Variants in UGT1A7 observed in about 807,000 individuals in gnomAD.
UGT1A7 encodes UDP glucuronosyltransferase family 1 member A7, also known as UDP-glucuronosyltransferase 1A7.
UGT1A7 carries 33 observed loss-of-function variants against 45.6 expected under a neutral mutation model. That is an observed-to-expected ratio of 0.72 (90% CI 0.55 to 0.97). The LOEUF is 0.97. UGT1A7 is among the 50% of genes least tolerant of loss of function. The pLI is 0.00. For synonymous variants in UGT1A7, 274 were observed against 250.6 expected (o/e 1.09, Z -0.88); for missense variants, 684 against 666.2 (o/e 1.03, Z -0.29).
At chr2:233,717,518 T>A (rs2076583469) in intron 1 of UGT1A7, among the ~76,000 whole-genome samples, 1 of 152,220 alleles carries the variant, frequency 6.6e-6, no homozygotes, top group Non-Finnish European at 1.5e-5. Context: ...TGGGAGTAAC[T>A]TCCTCCATAA....
intron 1 of UGT1A7, chr2:233,717,692 T>TTC: frequency 2.3e-6 from 1 of 443,544 alleles, no homozygotes; most frequent in Non-Finnish European, 4.6e-6. Context: ...AGGAGTGACT[T>TTC]TCTGGAGCAG....
At chr2:233,754,470 A>G in intron 1 of UGT1A7, 2 of 357,144 alleles carry the variant, frequency 5.6e-6, no homozygotes, top group South Asian at 2.2e-5. Context: ...TTCTGAAAGT[A>G]AAGTTCACTT....
chr2:233,748,809 T>C (rs927087498), intron 1 of UGT1A7, among the ~76,000 whole-genome samples: 1 of 151,174 alleles, frequency 6.6e-6, no homozygotes, highest in Non-Finnish European at 1.5e-5. Flanking sequence ...TATCAAGAAA[T>C]TGTGGAAGGG....
rs879204025 is a variant in UGT1A7, at chr2:233,769,857, CA to C, written c.1295+1435del. 0.15 allele frequency: 32,681 copies of C among 223,256 alleles called. 81 individuals are homozygous for C. Among genetic ancestry groups the C allele is most frequent in the Middle Eastern group, 0.2 (155 of 784 alleles). The allele number at this position is 223,256 out of a possible 1,614,324, so 13.8% of individuals were successfully genotyped here. ...TGGGCAACAGAGTGAGACCCTGTCT[CA>C]AAAAAAAAAAAAAAAATGAAAAGTC... On this transcript the variant is annotated intron_variant, in intron 4 of 4. Transcript: ENST00000373426. This position sits in a 1 kb window ranked among gnomAD's most constrained non-coding sequence, Gnocchi z 4.4.
At chr2:233,728,474 GATC>G (rs1486985053) in intron 1 of UGT1A7, among the ~76,000 whole-genome samples, 1 of 152,138 alleles carries the variant, frequency 6.6e-6, no homozygotes, top group Non-Finnish European at 1.5e-5. Flanking sequence ...CCAAGAATCT[GATC>G]ATCACATCTT....
At chr2:233,715,117 C>G (rs761696686) in intron 1 of UGT1A7, among the ~76,000 whole-genome samples, 1 of 152,142 alleles carries the variant, frequency 6.6e-6, no homozygotes, top group Non-Finnish European at 1.5e-5. Flanking sequence ...AATGCCTGAT[C>G]TCAAGTGATT....
At chr2:233,766,771 C>A (rs71528513) in intron 1 of UGT1A7, among the ~76,000 whole-genome samples, 1 of 152,170 alleles carries the variant, frequency 6.6e-6, no homozygotes, top group Admixed American at 6.5e-5. Flanking sequence ...TGTACCTGTG[C>A]TTTTCTTTTG....
intron 1 of UGT1A7, among the ~76,000 whole-genome samples, chr2:233,746,867 A>G (rs1013887537): frequency 6.6e-6 from 1 of 151,064 alleles, no homozygotes; most frequent in Non-Finnish European, 1.5e-5. Context: ...CAGCCTGATA[A>G]ACGTGGTTAA....
chr2:233,729,115 T>G (rs376445258), intron 1 of UGT1A7: 49 of 1,612,840 alleles, frequency 3.0e-5, no homozygotes, highest in Non-Finnish European at 3.5e-5. Context: ...GCTGTCCGTG[T>G]CTTCTGCTGA....
chr2:233,755,676 G>A (rs1559401147), intron 1 of UGT1A7: 1 of 157,436 alleles, frequency 6.4e-6, no homozygotes, highest in Non-Finnish European at 1.4e-5. Context: ...TGGTGGGAGT[G>A]AGTTTAGTCT....
At chr2:233,743,977 C>A (rs1692620866) in intron 1 of UGT1A7, 2 of 1,309,814 alleles carry the variant, frequency 1.5e-6, no homozygotes, top group Middle Eastern at 2.3e-4. Context: ...CTGCCAGCAC[C>A]CAGGCGCAGG....
At chr2:233,758,626 C>T (rs1184924928) in intron 1 of UGT1A7, among the ~76,000 whole-genome samples, 3 of 152,058 alleles carry the variant, frequency 2.0e-5, no homozygotes, top group Admixed American at 6.5e-5. Flanking sequence ...ATGCAAAGTA[C>T]CTACTCTAAG....
chr2:233,735,879 G>A (rs1213973999), intron 1 of UGT1A7, among the ~76,000 whole-genome samples: 1 of 152,086 alleles, frequency 6.6e-6, no homozygotes, highest in Non-Finnish European at 1.5e-5. Flanking sequence ...AGAGAGATCT[G>A]CTGTTAGTCT....
At chr2:233,734,101 TATA>T (rs549143261) in intron 1 of UGT1A7, among the ~76,000 whole-genome samples, 12 of 151,314 alleles carry the variant, frequency 7.9e-5, no homozygotes, top group South Asian at 4.2e-4. Flanking sequence ...AAACTTAAAG[TATA>T]ATAATAATAA....
intron 1 of UGT1A7, chr2:233,747,152 G>A (rs1023956856): frequency 1.3e-6 from 2 of 1,577,494 alleles, no homozygotes; most frequent in African/African-American, 1.4e-5. Context: ...TTAAGATGAA[G>A]AAAACAAATG....
At chr2:233,695,073 G>T (rs1470813496) in intron 1 of UGT1A7, among the ~76,000 whole-genome samples, 1 of 151,628 alleles carries the variant, frequency 6.6e-6, no homozygotes, top group African/African-American at 2.4e-5. Context: ...TCGCACTTTG[G>T]ACTTACTCAT....
At chr2:233,743,759 T>C in intron 1 of UGT1A7, 7 of 1,367,366 alleles carry the variant, frequency 5.1e-6, no homozygotes, top group South Asian at 4.5e-5. Flanking sequence ...CAACACCTCG[T>C]AGGCCTCGGC....
intron 1 of UGT1A7, among the ~76,000 whole-genome samples, chr2:233,751,702 C>T (rs1485888079): frequency 6.6e-6 from 1 of 152,152 alleles, no homozygotes; most frequent in East Asian, 1.9e-4. Flanking sequence ...AGGGGCTCTT[C>T]CTCCTTCACT....
At chr2:233,740,343 G>A (rs1691372843) in intron 1 of UGT1A7, among the ~76,000 whole-genome samples, 1 of 151,960 alleles carries the variant, frequency 6.6e-6, no homozygotes, top group African/African-American at 2.4e-5. Flanking sequence ...AAGTTGATGA[G>A]AAAGTGGAAT....
Sources: allele counts gnomAD v4.1 joint callset (sites outside exome capture counted in the v4.1 genomes callset), GRCh38; gene constraint gnomAD v4.1.1; non-coding constraint Gnocchi (gnomAD v3.1); transcripts MANE v1.5; gene names NCBI Gene and HGNC (gene_info 2026-07-23, HGNC 2026-07-21).